The following SOS2 variants were observed in gnomAD, a reference collection of about 807,000 sequenced individuals.
SOS2 encodes SOS Ras/Rho guanine nucleotide exchange factor 2.
A neutral mutation model predicts 148.2 loss-of-function variants in SOS2; 65 were observed. The observed-to-expected ratio is 0.44, with a 90% CI of 0.36 to 0.54. The LOEUF (loss-of-function observed/expected upper bound fraction) is 0.54. Among genes scored for constraint, SOS2 ranks in the 20% least tolerant of loss-of-function variants. SOS2 has a pLI of 0.00. For synonymous variants in SOS2, 539 were observed against 537.1 expected, an observed-to-expected ratio of 1.00 and a Z score of -0.05; for missense variants, 1,341 against 1,590.2, an observed-to-expected ratio of 0.84 and a Z score of 2.67.
intron 18 of SOS2, among the ~76,000 whole-genome samples, chr14:50,135,662 T>TC (rs1343235229): frequency 1.4e-5 from 2 of 145,110 alleles, no homozygotes; most frequent in African/African-American, 2.5e-5. Context: ...TTTTTTTTTT[T>TC]TTGAGATGGA....
chr14:50,118,904 A>C (rs1438810931), intron 22 of SOS2, 51 bp from the exon 23 acceptor site: 2 of 1,256,728 alleles, frequency 1.6e-6, no homozygotes, highest in Admixed American at 5.9e-5. Context: ...AAATTAAAAA[A>C]AAAAATTTTT....
chr14:50,213,401 T>C (rs904774395), intron 1 of SOS2, among the ~76,000 whole-genome samples: 1 of 152,112 alleles, frequency 6.6e-6, no homozygotes, highest in Admixed American at 6.6e-5. Context: ...AAAAGCAGAT[T>C]AAATAGCATT....
chr14:50,203,714 T>G (rs1226807209), intron 2 of SOS2, among the ~76,000 whole-genome samples: 1 of 152,014 alleles, frequency 6.6e-6, no homozygotes, highest in Admixed American at 6.6e-5. Flanking sequence ...AATACACAGA[T>G]CTTAAAATGT....
At chr14:50,148,503 CT>C in intron 14 of SOS2, among the ~76,000 whole-genome samples, 1 of 151,732 alleles carries the variant, frequency 6.6e-6, no homozygotes, top group African/African-American at 2.4e-5. Flanking sequence ...AAGTGAAGTG[CT>C]TTTTTTCTGA....
chr14:50,216,329 T>G lies in SOS2; in HGVS notation c.88-11920A>C, dbSNP rs568034736. Among the ~76,000 whole-genome samples the G allele has an allele frequency of 2.1e-3, 317 of 152,108 alleles. 1 individual carries two copies. Among genetic ancestry groups the G allele is most frequent in the African/African-American group, 7.2e-3 (300 of 41,510 alleles). ...CCAGGCTAGTCTTGAACTCCTGAGC[T>G]CAGGTAATCTGCCTGCCTCAGCCTC... On this transcript the variant is annotated intron_variant, in intron 1 of 22. Coordinates refer to ENST00000216373, the MANE Select transcript of SOS2 (RefSeq NM_006939.4).
chr14:50,152,636 C>T (rs941945432), intron 13 of SOS2, among the ~76,000 whole-genome samples: 2 of 152,004 alleles, frequency 1.3e-5, no homozygotes, highest in Non-Finnish European at 2.9e-5. Context: ...AAAAACATTC[C>T]AAATGTTATT....
Position 50,118,209 on chromosome 14 carries a change from G to T in SOS2, c.*135C>A. 4.1e-6 allele frequency: 3 copies of T among 734,816 alleles called. No homozygotes were observed. The highest frequency in any genetic ancestry group is 6.6e-6 in the Non-Finnish European group (3 of 457,000). 45.5% of individuals were successfully genotyped at this position (734,816 alleles called of 1,614,324 possible). A position where few individuals can be genotyped will look rare whatever the true frequency, so the allele number is the denominator to read the frequency against. On this transcript the variant is annotated 3_prime_UTR_variant, in exon 23 of 23. Coordinates refer to ENST00000216373, the MANE Select transcript of SOS2 (RefSeq NM_006939.4). ...ATTTTTATTTTTCCAATTCTTAAAA[G>T]CTTATTTGATCAGTAGCATTTTTGT...
At position 50,161,617 on chromosome 14, in the gene SOS2, A is replaced by G; in HGVS notation, c.1069-8T>C. ...ACTACATGCTTTCAATTGCTAAGAA[A>G]AAACAGAAAGAAAAATCAAAACTGC... On this transcript the variant is annotated splice_polypyrimidine_tract_variant and splice_region_variant and intron_variant, in intron 8 of 22. Transcript: ENST00000216373. 6.2e-7 allele frequency: 1 copy of G among 1,608,528 alleles called. No individual in the cohort carries two copies. The highest frequency in any genetic ancestry group is 8.5e-7 in the Non-Finnish European group (1 of 1,178,290).
chr14:50,182,401 C>CGA, intron 6 of SOS2, 62 bp downstream of exon 6: 1 of 1,477,092 alleles, frequency 6.8e-7, no homozygotes, highest in Non-Finnish European at 9.4e-7. Context: ...AGACTCATCT[C>CGA]TAAGTTTCTT....
intron 14 of SOS2, among the ~76,000 whole-genome samples, chr14:50,148,209 C>T (rs994186339): frequency 6.6e-6 from 1 of 151,686 alleles, no homozygotes; most frequent in Non-Finnish European, 1.5e-5. Context: ...GTAAGGAGTT[C>T]GTGACCACTG....
At chr14:50,193,662 A>G (rs1258012631) in intron 4 of SOS2, among the ~76,000 whole-genome samples, 1 of 152,132 alleles carries the variant, frequency 6.6e-6, no homozygotes, top group African/African-American at 2.4e-5. Flanking sequence ...TGATCTCTAG[A>G]TATCAGTTTG....
chr14:50,136,755 A>C (rs1418156095), intron 18 of SOS2, among the ~76,000 whole-genome samples: 1 of 151,864 alleles, frequency 6.6e-6, no homozygotes, highest in Admixed American at 6.6e-5. Flanking sequence ...ACACCCAGCG[A>C]ATTTTTGTAT....
chr14:50,208,129 C>T lies in SOS2; in HGVS notation c.88-3720G>A, dbSNP rs536373776. Reference sequence around the variant, plus strand: ...TGGCCAACATGGTGAAATCCCATCTCTACTAAAAATACAAAAAATTAGCCA... The same window carrying T: ...TGGCCAACATGGTGAAATCCCATCTTTACTAAAAATACAAAAAATTAGCCA... On this transcript the variant is annotated intron_variant, in intron 1 of 22. Transcript: ENST00000216373. Among the ~76,000 whole-genome samples, 8 of 152,072 alleles carry T rather than the reference C, an allele frequency of 5.3e-5. No homozygotes were observed. In the East Asian group the frequency reaches 1.4e-3, roughly 26 times the overall value.
chr14:50,126,938 A>G (rs1006566453), intron 21 of SOS2, among the ~76,000 whole-genome samples: 1 of 151,870 alleles, frequency 6.6e-6, no homozygotes, highest in Non-Finnish European at 1.5e-5. Context: ...ACATCAATGC[A>G]GTTCATTGTG....
At chr14:50,170,658 GCAAGACCCTGTCC>G (rs1244953656) in intron 8 of SOS2, among the ~76,000 whole-genome samples, 1 of 151,988 alleles carries the variant, frequency 6.6e-6, no homozygotes, top group Non-Finnish European at 1.5e-5. Context: ...GGGTAACAGA[GCAAGACCCTGTCC>G]CAAAAACAAC....
intron 8 of SOS2, among the ~76,000 whole-genome samples, chr14:50,166,280 TGGCACGATCTC>T (rs1475020660): frequency 6.6e-6 from 1 of 152,232 alleles, no homozygotes; most frequent in Non-Finnish European, 1.5e-5. Context: ...TGGAATGCAG[TGGCACGATCTC>T]GGCTCACTGC....
In SOS2 at chr14:50,205,394, C is replaced by G. The variant is rs565625691; in HGVS notation, c.88-985G>C. ...CATGAAGTCAGAAGGATATCAGAAG[C>G]ACTAACACAAAAATAGATAACTTGA... On this transcript the variant is annotated intron_variant, in intron 1 of 22. Coordinates refer to ENST00000216373, the MANE Select transcript of SOS2 (RefSeq NM_006939.4). Among the ~76,000 whole-genome samples the G allele has an allele frequency of 2.6e-5, 4 of 152,218 alleles. No homozygotes were observed. In the South Asian group the frequency reaches 6.2e-4, roughly 24 times the overall value.
At chr14:50,208,188 T>C (rs1402987040) in intron 1 of SOS2, among the ~76,000 whole-genome samples, 1 of 152,048 alleles carries the variant, frequency 6.6e-6, no homozygotes, top group Non-Finnish European at 1.5e-5. Flanking sequence ...TCCCAGATAC[T>C]TGGGAGGCTG....
intron 21 of SOS2, among the ~76,000 whole-genome samples, chr14:50,124,884 T>C (rs1230242784): frequency 6.6e-6 from 1 of 152,234 alleles, no homozygotes; most frequent in East Asian, 1.9e-4. Flanking sequence ...ATATTCAGAA[T>C]TTAATGCAGT....
Sources: gnomAD v4.1 joint callset for allele counts (sites outside exome capture counted in the v4.1 genomes callset) on GRCh38, gnomAD v4.1.1 for gene constraint, MANE v1.5 for transcripts, NCBI Gene and HGNC (gene_info 2026-07-23, HGNC 2026-07-21) for gene names.